The following PSMD14 variants were observed in gnomAD, a reference collection of about 807,000 sequenced individuals.
PSMD14 encodes ubiquitin C-terminal hydrolase PSMD14.
A neutral mutation model predicts 41.2 loss-of-function variants in PSMD14; 7 were observed. That is an observed-to-expected ratio of 0.17 (90% CI 0.10 to 0.32). The LOEUF (loss-of-function observed/expected upper bound fraction) is 0.32. Among genes scored for constraint, PSMD14 ranks in the 10% least tolerant of loss-of-function variants. The pLI is 1.00. For synonymous variants in PSMD14, 114 were observed against 122.3 expected, an observed-to-expected ratio of 0.93 and a Z score of 0.45; for missense variants, 139 against 375.6, an observed-to-expected ratio of 0.37 and a Z score of 5.21.
chr2:161,333,468 A>T (rs1425685856), intron 3 of PSMD14, among the ~76,000 whole-genome samples: 5 of 152,228 alleles, frequency 3.3e-5, no homozygotes, highest in Non-Finnish European at 1.5e-5. Context: ...CAGGTTTCGG[A>T]CCTACCAACT....
At chr2:161,401,242 G>C (rs1025870414) in intron 10 of PSMD14, among the ~76,000 whole-genome samples, 1 of 152,046 alleles carries the variant, frequency 6.6e-6, no homozygotes, top group African/African-American at 2.4e-5. Context: ...TGTATATAAC[G>C]TACAAAATAT....
chr2:161,327,959 TGTGTGTGTGTGTGTGTGTGTGTGTGA>T (rs1682725712), intron 3 of PSMD14, among the ~76,000 whole-genome samples: 1 of 149,904 alleles, frequency 6.7e-6, no homozygotes. Flanking sequence ...TGTGTGTGTG[TGTGTGTGTGTGTGTGTGTGTGTGTGA>T]GATGTTGGTT....
chr2:161,389,373 A>C (rs1304194717), intron 8 of PSMD14, among the ~76,000 whole-genome samples: 1 of 152,216 alleles, frequency 6.6e-6, no homozygotes, highest in Non-Finnish European at 1.5e-5. Context: ...ATTCTCTACC[A>C]GGCTGATTCA....
chr2:161,390,500 A>G (rs1333791387), intron 8 of PSMD14, among the ~76,000 whole-genome samples: 1 of 152,154 alleles, frequency 6.6e-6, no homozygotes, highest in African/African-American at 2.4e-5. Context: ...AGATTTTATT[A>G]TGATTGGCCT....
chr2:161,390,026 G>A (rs754544647), intron 8 of PSMD14, among the ~76,000 whole-genome samples: 8 of 150,008 alleles, frequency 5.3e-5, no homozygotes, highest in Non-Finnish European at 7.4e-5. Context: ...CACTGAGCCC[G>A]ACCCTGCATT....
Position 161,330,192 on chromosome 2 carries a change from A to G in PSMD14, c.48+11319A>G, listed in dbSNP as rs536793667. On this transcript the variant is annotated intron_variant, in intron 3 of 11. Transcript: ENST00000409682. Reference sequence around the variant, plus strand: ...TTCAAATTAGTGACATTCTGATGAAATAAGAAAAAATAAAAATTGTGAAAA... The same window carrying G: ...TTCAAATTAGTGACATTCTGATGAAGTAAGAAAAAATAAAAATTGTGAAAA... 7.9e-5 allele frequency among the ~76,000 whole-genome samples: 12 copies of G among 152,352 alleles called. No homozygotes were observed. In the South Asian group the frequency reaches 2.5e-3, roughly 32 times the overall value.
chr2:161,309,221 A>G (rs1382804647), intron 1 of PSMD14, among the ~76,000 whole-genome samples: 1 of 152,240 alleles, frequency 6.6e-6, no homozygotes, highest in African/African-American at 2.4e-5. Context: ...TAAGTAAAGT[A>G]GAAATCTGCT....
chr2:161,312,742 AC>A (rs1015340037), intron 1 of PSMD14, among the ~76,000 whole-genome samples: 2 of 152,290 alleles, frequency 1.3e-5, no homozygotes, highest in African/African-American at 4.8e-5. Context: ...AGATCCATCG[AC>A]CTTTTTATTG....
intron 3 of PSMD14, among the ~76,000 whole-genome samples, chr2:161,349,099 A>G (rs1216647729): frequency 6.6e-6 from 1 of 152,250 alleles, no homozygotes; most frequent in Admixed American, 6.5e-5. Context: ...GAATTGGCTT[A>G]CTATAGGTTG....
chr2:161,389,897 T>G (rs1458205929), intron 8 of PSMD14, among the ~76,000 whole-genome samples: 19 of 107,138 alleles, frequency 1.8e-4, no homozygotes, highest in African/African-American at 4.1e-4. Flanking sequence ...TTGTTTTTTT[T>G]TTTTTTTTTT....
intron 3 of PSMD14, among the ~76,000 whole-genome samples, chr2:161,363,180 A>G (rs1034294760): frequency 3.3e-5 from 5 of 152,320 alleles, no homozygotes; most frequent in South Asian, 2.1e-4. Context: ...TGCTCCATCT[A>G]TAATGCCTGA....
At chr2:161,346,211 A>T (rs970934333) in intron 3 of PSMD14, among the ~76,000 whole-genome samples, 28 of 152,038 alleles carry the variant, frequency 1.8e-4, no homozygotes, top group Non-Finnish European at 3.8e-4. Flanking sequence ...ATCTTCTATT[A>T]ACCCCATCTA....
intron 10 of PSMD14, among the ~76,000 whole-genome samples, chr2:161,403,599 T>C (rs1019363625): frequency 2.6e-5 from 4 of 152,186 alleles, no homozygotes; most frequent in Non-Finnish European, 5.9e-5. Flanking sequence ...CTTTGATGAC[T>C]GACTTCTCAT....
intron 8 of PSMD14, among the ~76,000 whole-genome samples, chr2:161,386,104 G>A (rs1448031599): frequency 6.6e-6 from 1 of 151,738 alleles, no homozygotes; most frequent in Non-Finnish European, 1.5e-5. Flanking sequence ...TATTGTGATA[G>A]TCAATTACCA....
At chr2:161,382,909 C>T (rs1683586809) in intron 7 of PSMD14, 1 of 151,654 alleles carries the variant, frequency 6.6e-6, no homozygotes, top group Non-Finnish European at 1.5e-5. Flanking sequence ...GTTCTTTGTT[C>T]AGTGTGTTAT....
intron 3 of PSMD14, among the ~76,000 whole-genome samples, chr2:161,364,197 C>T (rs1426007907): frequency 1.3e-5 from 2 of 152,186 alleles, no homozygotes; most frequent in Non-Finnish European, 2.9e-5. Context: ...CTGGTTTGCT[C>T]ATACCCCAGT....
Position 161,370,174 on chromosome 2 carries a change from G to C in PSMD14, c.308G>C (p.Gly103Ala). The part of the protein sequence containing the change: ...AKMLDMLKQT[G>A]RPEMVVGWYH... ...ATGTTGGATATGTTGAAGCAGACAGGAAGGTAAGCATTTTAAATGATCAGT... is the reference window on the plus strand; with the variant it reads ...ATGTTGGATATGTTGAAGCAGACAGCAAGGTAAGCATTTTAAATGATCAGT... The change falls in exon 6 of 12, where the codon GGA (glycine) becomes GCA (alanine). Residue 103 changes from glycine (G) to alanine (A), a missense_variant. Gly to Ala is a moderately conservative substitution (Grantham distance 60). Around this residue, in one of 4 missense-constraint regions of PSMD14, gnomAD observed 35 missense variants for 162.9 expected, o/e 0.21. Coordinates refer to ENST00000409682, the MANE Select transcript of PSMD14 (RefSeq NM_005805.6). 6.4e-7 allele frequency: 1 copy of C among 1,572,314 alleles called. No individual in the cohort carries two copies. The highest frequency in any genetic ancestry group is 8.7e-7 in the Non-Finnish European group (1 of 1,153,964).
rs186942718 is a variant in PSMD14, at chr2:161,366,159, A to G, written c.49-1319A>G. On this transcript the variant is annotated intron_variant, in intron 3 of 11. Transcript: ENST00000409682. ...TAGCTATTTGAAAAATAAGCAATAA[A>G]ACTGCATTAGGTGATAATAGATGAA... Among the ~76,000 whole-genome samples the G allele has an allele frequency of 1.1e-4, 16 of 152,258 alleles. No individual in the cohort carries two copies. In the East Asian group the frequency reaches 2.7e-3, roughly 26 times the overall value.
intron 7 of PSMD14, chr2:161,383,131 T>C (rs187183940): frequency 1.2e-4 from 19 of 152,176 alleles, no homozygotes; most frequent in Admixed American, 7.9e-4. Context: ...TGAGTCTATT[T>C]TGATAGGTTG....
Sources: allele counts gnomAD v4.1 joint callset (sites outside exome capture counted in the v4.1 genomes callset), GRCh38; gene constraint gnomAD v4.1.1; regional missense constraint gnomAD v4.1.1; transcripts MANE v1.5; gene names NCBI Gene and HGNC (gene_info 2026-07-23, HGNC 2026-07-21).